Variants in USP32 observed in about 807,000 individuals in gnomAD.
USP32 encodes ubiquitin specific peptidase 32.
Under a neutral mutation model 204.8 loss-of-function variants are expected in USP32, and 59 were observed. The ratio of observed to expected loss-of-function variants is 0.29; its 90% CI spans 0.23 to 0.36. USP32 has a LOEUF of 0.36. Among genes scored for constraint, USP32 ranks in the 10% least tolerant of loss-of-function variants. The probability of loss-of-function intolerance (pLI) is 1.00; values close to 1 mark genes in which losing one functional copy is unlikely to be tolerated. For synonymous variants in USP32, 517 were observed against 678.4 expected (o/e 0.76, Z 3.70); for missense variants, 1,160 against 1,946.4 (o/e 0.60, Z 7.60).
At position 60,266,040 on chromosome 17, in the gene USP32, T is replaced by G; in HGVS notation, c.863A>C (p.Glu288Ala). The change falls in exon 8 of 34, where the codon GAA (glutamate) becomes GCA (alanine). Residue 288 changes from glutamate (E) to alanine (A), a missense_variant. Glu to Ala is a moderately radical substitution (Grantham distance 107). Around this residue, in one of 8 missense-constraint regions of USP32, gnomAD observed 536 missense variants for 680.9 expected, o/e 0.79. Coordinates refer to ENST00000300896, the MANE Select transcript of USP32 (RefSeq NM_032582.4). Reference protein sequence around the residue: ...VDRDGVLSRVELRDMVVALLE... With the variant: ...VDRDGVLSRVALRDMVVALLE... ...AAGTGCAACCACCATGTCTCTCAGT[T>G]CAACCCTGGAGAGAACTCCATCACG... 6.2e-7 allele frequency: 1 copy of G among 1,614,096 alleles called. No homozygotes were observed. The highest frequency in any genetic ancestry group is 8.5e-7 in the Non-Finnish European group (1 of 1,179,980).
intron 5 of USP32, among the ~76,000 whole-genome samples, chr17:60,282,767 C>G (rs1344026621): frequency 1.3e-5 from 2 of 152,184 alleles, no homozygotes; most frequent in Non-Finnish European, 2.9e-5. Context: ...CCTTACAGTC[C>G]TAAGAGGACA....
intron 15 of USP32, among the ~76,000 whole-genome samples, chr17:60,221,443 A>G (rs914576790): frequency 3.3e-5 from 5 of 152,032 alleles, no homozygotes; most frequent in African/African-American, 1.2e-4. Context: ...TATCTCATCT[A>G]TACAAAACCT....
intron 10 of USP32, among the ~76,000 whole-genome samples, chr17:60,253,426 A>G (rs1336957970): frequency 2.0e-5 from 3 of 151,288 alleles, no homozygotes; most frequent in Non-Finnish European, 4.4e-5. Flanking sequence ...AAAAAAAAAA[A>G]GCCTACAGAA....
At chr17:60,309,856 C>A (rs1185316378) in intron 2 of USP32, among the ~76,000 whole-genome samples, 1 of 151,900 alleles carries the variant, frequency 6.6e-6, no homozygotes, top group Non-Finnish European at 1.5e-5. Flanking sequence ...CCAGCCTGGG[C>A]AACATGGTGA....
intron 1 of USP32, among the ~76,000 whole-genome samples, chr17:60,402,322 C>G (rs2089942816): frequency 6.8e-6 from 1 of 147,868 alleles, no homozygotes; most frequent in Non-Finnish European, 1.5e-5. Flanking sequence ...GCAATCATGG[C>G]TCATTGCAGC....
chr17:60,246,658 C>T (rs1305627465), intron 11 of USP32, among the ~76,000 whole-genome samples: 1 of 152,194 alleles, frequency 6.6e-6, no homozygotes, highest in Admixed American at 6.5e-5. Flanking sequence ...ACATTCCCAT[C>T]AATAGTGTAC....
At chr17:60,196,630 G>C (rs2084525451) in intron 27 of USP32, among the ~76,000 whole-genome samples, 2 of 152,032 alleles carry the variant, frequency 1.3e-5, no homozygotes, top group Admixed American at 1.3e-4. Context: ...TTTGAGACCA[G>C]CCTGGCCGAC....
chr17:60,221,570 A>C (rs576810271), intron 15 of USP32, among the ~76,000 whole-genome samples: 2 of 150,162 alleles, frequency 1.3e-5, no homozygotes, highest in Admixed American at 1.3e-4. Context: ...AATGGTGTGC[A>C]GTCTTGGCTC....
intron 9 of USP32, among the ~76,000 whole-genome samples, chr17:60,256,290 C>A (rs1029296606): frequency 6.6e-6 from 1 of 152,018 alleles, no homozygotes; most frequent in Non-Finnish European, 1.5e-5. Flanking sequence ...AGTTCACATT[C>A]AAAAAGTAGA....
At chr17:60,212,356 C>T (rs1598074011) in intron 18 of USP32, among the ~76,000 whole-genome samples, 1 of 152,296 alleles carries the variant, frequency 6.6e-6, no homozygotes, top group East Asian at 1.9e-4. Flanking sequence ...TCCTTGGCTA[C>T]AAACCTGTAC....
chr17:60,238,040 G>C (rs2085779847), intron 11 of USP32, among the ~76,000 whole-genome samples: 2 of 152,152 alleles, frequency 1.3e-5, no homozygotes, highest in Non-Finnish European at 2.9e-5. Context: ...AGCAATATAT[G>C]AGAGTCCCTA....
At chr17:60,280,886 T>C (rs1291515687) in intron 5 of USP32, among the ~76,000 whole-genome samples, 3 of 152,234 alleles carry the variant, frequency 2.0e-5, no homozygotes, top group Non-Finnish European at 4.4e-5. Context: ...AACCTAACCA[T>C]GTCAGAATTT....
chr17:60,276,966 T>TATATATATAA lies in USP32; in HGVS notation c.572-5486_572-5485insTTATATATAT, dbSNP rs60544670. On this transcript the variant is annotated intron_variant, in intron 5 of 33. Transcript: ENST00000300896. ...ATATACATATATATATATATATATATAAAATTACCAAACATTTTACATGAA... is the reference window on the plus strand; with the variant it reads ...ATATACATATATATATATATATATATATATATATAAAAAATTACCAAACATTTTACATGAA... Among the ~76,000 whole-genome samples, 314 of 149,878 alleles carry TATATATATAA rather than the reference T, an allele frequency of 2.1e-3. 3 individuals carry two copies. The highest frequency in any genetic ancestry group is 7.5e-3 in the African/African-American group (304 of 40,342).
At chr17:60,349,597 ATATATATATATAT>A (rs1196427189) in intron 1 of USP32, among the ~76,000 whole-genome samples, 2 of 38,552 alleles carry the variant, frequency 5.2e-5, no homozygotes, top group African/African-American at 1.0e-4. Context: ...AAAAAAAAAA[ATATATATATATAT>A]ATATATATAT....
exon 1 of USP32, chr17:60,422,400 C>A: frequency 7.1e-7 from 1 of 1,399,868 alleles, no homozygotes; most frequent in South Asian, 1.4e-5. Context: ...CCAGCTGCAG[C>A]CACCCCTAAG....
At chr17:60,359,420 A>G (rs1235077371) in intron 1 of USP32, among the ~76,000 whole-genome samples, 1 of 152,208 alleles carries the variant, frequency 6.6e-6, no homozygotes, top group Non-Finnish European at 1.5e-5. Context: ...TAAATGATCA[A>G]ATAAATGTGC....
chr17:60,213,755 T>C (rs1381020949), intron 17 of USP32, 93 bp from the exon 18 acceptor site: 42 of 1,467,048 alleles, frequency 2.9e-5, no homozygotes, highest in Non-Finnish European at 3.7e-5. Context: ...AAAAACAACT[T>C]CTTTGTAGTT....
intron 6 of USP32, among the ~76,000 whole-genome samples, chr17:60,270,335 C>CAGAT (rs1328798696): frequency 6.6e-6 from 1 of 152,128 alleles, no homozygotes; most frequent in Non-Finnish European, 1.5e-5. Context: ...TTGAAGAATA[C>CAGAT]AGATAGTATA....
rs566214012 is a variant in USP32, at chr17:60,392,075, G to C, written c.-136C>G. On this transcript the variant is annotated 5_prime_UTR_variant, in exon 1 of 34. Transcript: ENST00000300896. ...CCCACCTCCCCCCACACTAACAAGT[G>C]CGGCTTCTGCCCCGGCGGCTCCTCC... is the stretch of plus-strand genomic sequence containing the variant. 1.0e-6 allele frequency: 1 copy of C among 982,204 alleles called. No homozygotes were observed. Among genetic ancestry groups the C allele is most frequent in the East Asian group, 3.0e-5 (1 of 33,310 alleles). The allele number at this position is 982,204 out of a possible 1,614,324, so 60.8% of individuals were successfully genotyped here.
Sources: gnomAD v4.1 joint callset for allele counts (sites outside exome capture counted in the v4.1 genomes callset) on GRCh38, gnomAD v4.1.1 for gene constraint, gnomAD v4.1.1 regional missense constraint, MANE v1.5 for transcripts, NCBI Gene and HGNC (gene_info 2026-07-23, HGNC 2026-07-21) for gene names.